Variants in GLT1D1 observed in about 807,000 individuals in gnomAD.
The protein encoded by GLT1D1 is glycosyltransferase 1 domain-containing protein 1.
Under a neutral mutation model 28.7 loss-of-function variants are expected in GLT1D1, and 21 were observed. The ratio of observed to expected loss-of-function variants is 0.73; its 90% CI spans 0.52 to 1.05. The LOEUF (loss-of-function observed/expected upper bound fraction) is 1.05. Among genes scored for constraint, GLT1D1 ranks in the 50% least tolerant of loss-of-function variants. GLT1D1 has a pLI of 0.00. For missense variants in GLT1D1, 343 were observed against 330.6 expected (o/e 1.04, Z -0.29); for synonymous variants, 147 against 124.8 (o/e 1.18, Z -1.19).
chr12:128,884,612 C>T (rs1325191276), intron 2 of GLT1D1, among the ~76,000 whole-genome samples: 3 of 151,958 alleles, frequency 2.0e-5, no homozygotes, highest in African/African-American at 4.8e-5. Flanking sequence ...GTCACGAGTT[C>T]GAGAGCTGCC....
rs572806857 is a variant in GLT1D1 at position 128,879,378 on chromosome 12, TTTTCTTTCTTTCTTTCTTTCTTTCTTTC to T, written c.217+3372_217+3399del. Among the ~76,000 whole-genome samples the T allele has an allele frequency of 4.6e-3, 319 of 69,970 alleles. 6 individuals are homozygous for T. Among genetic ancestry groups the T allele is most frequent in the Non-Finnish European group, 6.9e-3 (234 of 34,144 alleles). The allele number at this position is 69,970 out of a possible 152,430, so 45.9% of individuals were successfully genotyped here. On this transcript the variant is annotated intron_variant, in intron 2 of 7. Transcript: ENST00000281703. ...AAAGTGATACTTATTATTTTTTTCT[TTTTCTTTCTTTCTTTCTTTCTTTCTTTC>T]TTTCTTTCTTTCTTTCTTTCTTTCT...
At chr12:128,967,058 G>A (rs1274318398) in intron 7 of GLT1D1, among the ~76,000 whole-genome samples, 1 of 152,208 alleles carries the variant, frequency 6.6e-6, no homozygotes, top group East Asian at 1.9e-4. Context: ...TAGAAGCTGT[G>A]AATCTATACA....
rs12300825 is a variant in GLT1D1, at chr12:128,973,456, G to A, written c.640-9473G>A. On this transcript the variant is annotated intron_variant, in intron 7 of 7. Transcript: ENST00000281703. ...GATCCACCCACCTCGGCCTCCCAGAGTGTTGGGATGACAAGCGTGAGCCAC... is the reference window on the plus strand; with the variant it reads ...GATCCACCCACCTCGGCCTCCCAGAATGTTGGGATGACAAGCGTGAGCCAC... Among the ~76,000 whole-genome samples the A allele has an allele frequency of 1.7e-3, 251 of 151,288 alleles. 1 individual carries two copies. The highest frequency in any genetic ancestry group is 2.8e-3 in the Admixed American group (42 of 15,146).
intron 1 of GLT1D1, among the ~76,000 whole-genome samples, chr12:128,862,905 G>A (rs1007734974): frequency 9.8e-5 from 15 of 152,286 alleles, no homozygotes; most frequent in African/African-American, 2.6e-4. Context: ...ATTGTGATAC[G>A]ATCAGTGCTA....
chr12:128,861,611 C>T (rs1044078930), intron 1 of GLT1D1, among the ~76,000 whole-genome samples: 3 of 152,134 alleles, frequency 2.0e-5, no homozygotes, highest in Admixed American at 1.3e-4. Flanking sequence ...GGACTTGGTG[C>T]AGCGGGGTGG....
intron 1 of GLT1D1, among the ~76,000 whole-genome samples, chr12:128,865,993 G>A (rs1465356018): frequency 2.6e-5 from 4 of 152,020 alleles, no homozygotes; most frequent in Middle Eastern, 3.4e-3. Context: ...ATATGCAAAT[G>A]CTGTGCCATT....
Position 128,899,217 on chromosome 12 carries a change from A to G in GLT1D1, c.324-19A>G. 1.3e-6 allele frequency: 2 copies of G among 1,598,450 alleles called. No homozygotes were observed. Among genetic ancestry groups the G allele is most frequent in the Non-Finnish European group, 1.7e-6 (2 of 1,165,756 alleles). Reference sequence around the variant, plus strand: ...GAATTCTGGCCTAATTGTTTCTATTATTTTTGTTCATTTACTAGATTTGCT... The same window carrying G: ...GAATTCTGGCCTAATTGTTTCTATTGTTTTTGTTCATTTACTAGATTTGCT... On this transcript the variant is annotated intron_variant, in intron 3 of 7. Coordinates refer to ENST00000281703, the MANE Select transcript of GLT1D1 (RefSeq NM_144669.3).
intron 1 of GLT1D1, among the ~76,000 whole-genome samples, chr12:128,866,054 G>A (rs1956505930): frequency 6.6e-6 from 1 of 151,624 alleles, no homozygotes; most frequent in African/African-American, 2.4e-5. Context: ...CAGATTCCCA[G>A]GGGTGATTGT....
chr12:128,857,291 C>T (rs952045527), intron 1 of GLT1D1, among the ~76,000 whole-genome samples: 37 of 152,248 alleles, frequency 2.4e-4, no homozygotes, highest in Admixed American at 1.4e-3. Context: ...GGGAAGGAGG[C>T]GGGCAGGGTT....
At chr12:128,891,908 C>T (rs559114947) in intron 3 of GLT1D1, among the ~76,000 whole-genome samples, 1 of 152,130 alleles carries the variant, frequency 6.6e-6, no homozygotes, top group Non-Finnish European at 1.5e-5. Flanking sequence ...GACACGTGCC[C>T]AAGGTGGTCA....
chr12:128,919,487 T>C (rs1431709252), intron 4 of GLT1D1, among the ~76,000 whole-genome samples: 2 of 152,242 alleles, frequency 1.3e-5, no homozygotes, highest in Non-Finnish European at 2.9e-5. Context: ...ACAGGTTTTC[T>C]GACCATACTC....
intron 2 of GLT1D1, among the ~76,000 whole-genome samples, chr12:128,881,259 C>G (rs1382346151): frequency 6.8e-6 from 1 of 146,124 alleles, no homozygotes; most frequent in Admixed American, 6.9e-5. Context: ...AGTCCAGGCG[C>G]GGTGCCTCAC....
intron 4 of GLT1D1, among the ~76,000 whole-genome samples, chr12:128,908,640 G>A (rs1474765606): frequency 1.4e-5 from 2 of 140,422 alleles, no homozygotes; most frequent in Non-Finnish European, 1.6e-5. Context: ...GGACACGGAG[G>A]GCAGCAGGAA....
At chr12:128,888,232 G>A (rs974073407) in intron 2 of GLT1D1, among the ~76,000 whole-genome samples, 1 of 152,180 alleles carries the variant, frequency 6.6e-6, no homozygotes, top group African/African-American at 2.4e-5. Context: ...TCCCAAGCTA[G>A]CACGGTGCCT....
At chr12:128,907,067 T>C in intron 4 of GLT1D1, 2 of 662,334 alleles carry the variant, frequency 3.0e-6, no homozygotes, top group Non-Finnish European at 5.5e-6. Context: ...AGCTACTTAT[T>C]ACTTCTCCCT....
intron 1 of GLT1D1, among the ~76,000 whole-genome samples, chr12:128,874,116 CTCTCTCTCTCTTTCTT>C (rs1376029048): frequency 1.2e-3 from 70 of 59,536 alleles, no homozygotes; most frequent in Non-Finnish European, 1.5e-3. Context: ...CTCTCTCTCT[CTCTCTCTCTCTTTCTT>C]TCTTTCTTTC....
At chr12:128,883,679 C>T (rs907523862) in intron 2 of GLT1D1, among the ~76,000 whole-genome samples, 2 of 151,866 alleles carry the variant, frequency 1.3e-5, no homozygotes, top group African/African-American at 4.8e-5. Context: ...AGAGACAAAC[C>T]TCTAGCACAA....
At chr12:128,968,599 G>A (rs1439493731) in intron 7 of GLT1D1, among the ~76,000 whole-genome samples, 4 of 152,050 alleles carry the variant, frequency 2.6e-5, no homozygotes, top group African/African-American at 9.7e-5. Flanking sequence ...GAGGGTGGGG[G>A]TTGCAGTGAG....
chr12:128,857,356 G>C (rs901741229), intron 1 of GLT1D1, among the ~76,000 whole-genome samples: 1 of 152,116 alleles, frequency 6.6e-6, no homozygotes, highest in African/African-American at 2.4e-5. Flanking sequence ...TAGTCACTTC[G>C]TTCTTTCTTT....
Sources: allele counts gnomAD v4.1 joint callset (sites outside exome capture counted in the v4.1 genomes callset), GRCh38; gene constraint gnomAD v4.1.1; transcripts MANE v1.5; gene names NCBI Gene and HGNC (gene_info 2026-07-23, HGNC 2026-07-21).